The following BMP5 variants were observed in gnomAD, a reference collection of about 807,000 sequenced individuals.
BMP5 encodes bone morphogenetic protein 5.
A neutral mutation model predicts 46.6 loss-of-function variants in BMP5; 23 were observed. The observed-to-expected ratio is 0.49, with a 90% CI of 0.35 to 0.70. The LOEUF is 0.70. BMP5 is among the 30% of genes least tolerant of loss of function. The pLI is 0.00. For missense variants in BMP5, 545 were observed against 565.6 expected (o/e 0.96, Z 0.37); for synonymous variants, 204 against 191.9 (o/e 1.06, Z -0.52).
chr6:55,790,333 A>T (rs2127527441), intron 3 of BMP5, among the ~76,000 whole-genome samples: 1 of 152,214 alleles, frequency 6.6e-6, no homozygotes, highest in East Asian at 1.9e-4. Context: ...AATACCTACG[A>T]CCTGCATTGT....
rs1238542769 is a variant in BMP5, at chr6:55,755,000, A to C, written c.*533T>G. The C allele has an allele frequency of 6.6e-6, 1 of 152,518 alleles. No individual in the cohort carries two copies. The highest frequency in any genetic ancestry group is 2.4e-5 in the African/African-American group (1 of 41,448). 9.4% of individuals were successfully genotyped at this position (152,518 alleles called of 1,614,324 possible). A position where few individuals can be genotyped will look rare whatever the true frequency, so the allele number is the denominator to read the frequency against. On this transcript the variant is annotated 3_prime_UTR_variant, in exon 7 of 7. Coordinates refer to ENST00000370830, the MANE Select transcript of BMP5 (RefSeq NM_021073.4). ...TGTTCTGCCTACCGTTTATTTATTC[A>C]AATCCAGTTCAACATTTCACTTTAT...
chr6:55,791,715 A>C (rs191800242), intron 3 of BMP5, among the ~76,000 whole-genome samples: 1 of 152,208 alleles, frequency 6.6e-6, no homozygotes, highest in African/African-American at 2.4e-5. Context: ...GGGGGAAAAA[A>C]CAAAAAGAGA....
chr6:55,778,593 A>C (rs1233481736), intron 3 of BMP5, among the ~76,000 whole-genome samples: 2 of 152,038 alleles, frequency 1.3e-5, no homozygotes, highest in East Asian at 3.9e-4. Flanking sequence ...TGCTCGTGAA[A>C]AGTTTTTTAA....
intron 1 of BMP5, among the ~76,000 whole-genome samples, chr6:55,852,530 T>C (rs1189167751): frequency 6.6e-6 from 1 of 152,120 alleles, no homozygotes; most frequent in Non-Finnish European, 1.5e-5. Flanking sequence ...TCTACTGTCA[T>C]TGGTATGTAA....
At chr6:55,865,192 C>T (rs531244043) in intron 1 of BMP5, among the ~76,000 whole-genome samples, 142 of 152,138 alleles carry the variant, frequency 9.3e-4, no homozygotes, top group Non-Finnish European at 1.8e-3. Flanking sequence ...AGTGAGTTGA[C>T]TTATGAAAAT....
intron 4 of BMP5, among the ~76,000 whole-genome samples, chr6:55,764,429 CA>C (rs1435248445): frequency 1.3e-5 from 2 of 151,838 alleles, no homozygotes; most frequent in African/African-American, 4.8e-5. Flanking sequence ...AAAAATTAGC[CA>C]GGCGTAGTGG....
At chr6:55,863,500 G>A (rs1181953981) in intron 1 of BMP5, among the ~76,000 whole-genome samples, 2 of 152,126 alleles carry the variant, frequency 1.3e-5, no homozygotes, top group South Asian at 2.1e-4. Context: ...GAATTAAGAT[G>A]TGGATAAATT....
intron 1 of BMP5, among the ~76,000 whole-genome samples, chr6:55,848,143 T>C (rs1448383697): frequency 6.6e-6 from 1 of 152,000 alleles, no homozygotes; most frequent in Non-Finnish European, 1.5e-5. Context: ...CTTCTTTGTG[T>C]ATATTTCTAT....
Position 55,820,935 on chromosome 6 carries a change from T to C in BMP5, c.491-1088A>G, listed in dbSNP as rs565932248. On this transcript the variant is annotated intron_variant, in intron 1 of 6. Transcript: ENST00000370830. ...AGAAATGCTGAAGAATTTAGGACAG[T>C]AAGTATCAGACATATTATTATATAA... Among the ~76,000 whole-genome samples the C allele has an allele frequency of 3.3e-5, 5 of 152,256 alleles. No homozygotes were observed. The South Asian group carries it at 8.3e-4, about 25-fold the overall frequency.
intron 1 of BMP5, among the ~76,000 whole-genome samples, chr6:55,828,906 T>C (rs960154554): frequency 6.6e-6 from 1 of 151,812 alleles, no homozygotes; most frequent in Non-Finnish European, 1.5e-5. Context: ...TGTGGTTCAA[T>C]CTGTCATTTT....
intron 2 of BMP5, among the ~76,000 whole-genome samples, chr6:55,802,237 T>C (rs1300364316): frequency 6.6e-6 from 1 of 152,142 alleles, no homozygotes; most frequent in Non-Finnish European, 1.5e-5. Context: ...TCCATGGCAA[T>C]AGTTCTATTA....
rs377527058 is a variant in BMP5, at chr6:55,812,839, T to C, written c.683+6816A>G. 5.1e-4 allele frequency among the ~76,000 whole-genome samples: 78 copies of C among 152,344 alleles called. No homozygotes were observed. In the South Asian group the frequency reaches 0.016, roughly 31 times the overall value. On this transcript the variant is annotated intron_variant, in intron 2 of 6. Coordinates refer to ENST00000370830, the MANE Select transcript of BMP5 (RefSeq NM_021073.4). Reference sequence around the variant, plus strand: ...CAATTAATAGGATTTTAAAATTACTTTTCAAATTGAAATTCCATTTTAACT... The same window carrying C: ...CAATTAATAGGATTTTAAAATTACTCTTCAAATTGAAATTCCATTTTAACT...
chr6:55,874,008 A>G (rs1777843392), intron 1 of BMP5, among the ~76,000 whole-genome samples: 1 of 151,930 alleles, frequency 6.6e-6, no homozygotes, highest in African/African-American at 2.4e-5. Flanking sequence ...GTGCTTCCGA[A>G]TGTCACTTTT....
chr6:55,856,026 T>C (rs1397314477), intron 1 of BMP5, among the ~76,000 whole-genome samples: 2 of 152,126 alleles, frequency 1.3e-5, no homozygotes, highest in South Asian at 4.1e-4. Flanking sequence ...TACCTGTTCA[T>C]GGCTCTTTTG....
chr6:55,764,586 AAG>A (rs1391092244), intron 4 of BMP5, among the ~76,000 whole-genome samples: 1 of 150,942 alleles, frequency 6.6e-6, no homozygotes. Flanking sequence ...AAAAAAAAAA[AAG>A]AAAAAAAGAA....
At chr6:55,796,470 T>TA (rs1775714415) in intron 2 of BMP5, among the ~76,000 whole-genome samples, 1 of 151,852 alleles carries the variant, frequency 6.6e-6, no homozygotes, top group African/African-American at 2.4e-5. Flanking sequence ...TATATATATA[T>TA]TTTTTTCTTA....
rs1175584229 is a variant in BMP5, at chr6:55,755,468, A to G, written c.*65T>C. The G allele has an allele frequency of 6.7e-7, 1 of 1,490,414 alleles. No individual in the cohort carries two copies. Among genetic ancestry groups the G allele is most frequent in the Non-Finnish European group, 9.2e-7 (1 of 1,081,874 alleles). The allele number at this position is 1,490,414 out of a possible 1,614,324, so 92.3% of individuals were successfully genotyped here. A position where few individuals can be genotyped will look rare whatever the true frequency, so the allele number is the denominator to read the frequency against. ...GGAAATTCCCCGTTTGTCTGAAAGT[A>G]TGCTTTTTATTGCAGCCATAAACCT... On this transcript the variant is annotated 3_prime_UTR_variant, in exon 7 of 7. Coordinates refer to ENST00000370830, the MANE Select transcript of BMP5 (RefSeq NM_021073.4).
intron 2 of BMP5, among the ~76,000 whole-genome samples, chr6:55,798,960 A>G (rs1775780328): frequency 6.6e-6 from 1 of 152,226 alleles, no homozygotes; most frequent in Admixed American, 6.5e-5. Context: ...TTAAGTTACT[A>G]CCATTAGCAT....
chr6:55,838,685 G>A (rs555808168), intron 1 of BMP5, among the ~76,000 whole-genome samples: 27 of 151,798 alleles, frequency 1.8e-4, no homozygotes, highest in Non-Finnish European at 3.5e-4. Flanking sequence ...TTTGACATCT[G>A]GACTTCTCCA....
Sources: gnomAD v4.1 joint callset for allele counts (sites outside exome capture counted in the v4.1 genomes callset) on GRCh38, gnomAD v4.1.1 for gene constraint, MANE v1.5 for transcripts, NCBI Gene and HGNC (gene_info 2026-07-23, HGNC 2026-07-21) for gene names.